Variants in RCAN1 observed in about 807,000 individuals in gnomAD.
The protein encoded by RCAN1 is regulator of calcineurin 1.
In RCAN1, 11 loss-of-function variants were observed where a neutral mutation model predicts 22.9. The observed-to-expected ratio is 0.48, with a 90% CI of 0.30 to 0.79. The LOEUF (loss-of-function observed/expected upper bound fraction) is 0.79, where lower values mean the gene tolerates loss of function less well. RCAN1 is among the 30% of genes least tolerant of loss of function. The pLI is 0.06. For synonymous variants in RCAN1, 136 were observed against 142.3 expected, an observed-to-expected ratio of 0.96 and a Z score of 0.32; for missense variants, 291 against 337.8, an observed-to-expected ratio of 0.86 and a Z score of 1.09.
chr21:34,599,662 A>C (rs1988270329), intron 1 of RCAN1, among the ~76,000 whole-genome samples: 1 of 152,198 alleles, frequency 6.6e-6, no homozygotes, highest in Admixed American at 6.5e-5. Context: ...ACATACACTC[A>C]ACAGAGGCTA....
At chr21:34,524,255 G>A (rs1984835728) in intron 1 of RCAN1, 1 of 152,788 alleles carries the variant, frequency 6.5e-6, no homozygotes, top group African/African-American at 2.4e-5. Context: ...CAGCAGAACA[G>A]TTGCCAATAC....
intron 2 of RCAN1, chr21:34,523,244 C>T: frequency 3.0e-6 from 1 of 331,654 alleles, no homozygotes. Context: ...TTTGCATAGC[C>T]ACGCCTACCC....
At chr21:34,553,348 T>TATA (rs753288427) in intron 1 of RCAN1, among the ~76,000 whole-genome samples, 1 of 152,034 alleles carries the variant, frequency 6.6e-6, no homozygotes, top group Non-Finnish European at 1.5e-5. Flanking sequence ...TTTCAAAAAT[T>TATA]ATAATAATAA....
intron 1 of RCAN1, among the ~76,000 whole-genome samples, chr21:34,536,699 CA>C (rs751855663): frequency 6.6e-6 from 1 of 152,070 alleles, no homozygotes; most frequent in Non-Finnish European, 1.5e-5. Context: ...GGCTGAATGT[CA>C]GCGGAGGAGT....
At chr21:34,545,568 C>G (rs1229790147) in intron 1 of RCAN1, among the ~76,000 whole-genome samples, 2 of 152,180 alleles carry the variant, frequency 1.3e-5, no homozygotes, top group Admixed American at 6.5e-5. Context: ...CCAGGCCAGG[C>G]ACAAAGATCC....
intron 1 of RCAN1, among the ~76,000 whole-genome samples, chr21:34,601,545 A>G (rs939311327): frequency 2.8e-4 from 42 of 152,278 alleles, no homozygotes; most frequent in South Asian, 4.1e-4. Flanking sequence ...TAGGCTGGGC[A>G]CGGTGGCTCA....
intron 1 of RCAN1, among the ~76,000 whole-genome samples, chr21:34,545,180 C>T (rs1986086262): frequency 6.6e-6 from 1 of 152,168 alleles, no homozygotes; most frequent in African/African-American, 2.4e-5. Context: ...AGGCTCAGTG[C>T]CCCCGCCCCT....
rs537041248 is a variant in RCAN1, at chr21:34,554,496, A to C, written c.253-30786T>G. ...AATTGCAGAAGCTGGGCCAGACTGA[A>C]CACACCTGAAGCCAGGGATGGTGCT... is the stretch of plus-strand genomic sequence containing the variant. On this transcript the variant is annotated intron_variant, in intron 1 of 3. Coordinates refer to ENST00000313806, the MANE Select transcript of RCAN1 (RefSeq NM_004414.7). 5.9e-5 allele frequency among the ~76,000 whole-genome samples: 9 copies of C among 152,298 alleles called. No homozygotes were observed. The South Asian group carries it at 1.9e-3, about 32-fold the overall frequency.
At chr21:34,521,776 TG>T in intron 2 of RCAN1, 118 bp from the exon 3 acceptor site, 1 of 814,830 alleles carries the variant, frequency 1.2e-6, no homozygotes. Context: ...TCAGGACAGG[TG>T]TGATTCCAGG....
chr21:34,574,346 G>A (rs1013416536), intron 1 of RCAN1, among the ~76,000 whole-genome samples: 14 of 152,178 alleles, frequency 9.2e-5, no homozygotes, highest in Admixed American at 3.3e-4. Flanking sequence ...GAGATACTAC[G>A]TATATTTTCA....
rs1353558302 is a variant in RCAN1, at chr21:34,571,388, A to G, written c.252+43372T>C. 6.6e-5 allele frequency among the ~76,000 whole-genome samples: 10 copies of G among 152,370 alleles called. No individual in the cohort carries two copies. In the East Asian group the frequency reaches 1.9e-3, roughly 29 times the overall value. Reference sequence around the variant, plus strand: ...GACATACTTGCAAAATTATCCTGAAAAAAAGTTACCACTTAAAATCAATTA... The same window carrying G: ...GACATACTTGCAAAATTATCCTGAAGAAAAGTTACCACTTAAAATCAATTA... On this transcript the variant is annotated intron_variant, in intron 1 of 3. Coordinates refer to ENST00000313806, the MANE Select transcript of RCAN1 (RefSeq NM_004414.7).
chr21:34,587,369 A>C (rs1434285259), intron 1 of RCAN1, among the ~76,000 whole-genome samples: 2 of 152,172 alleles, frequency 1.3e-5, no homozygotes, highest in African/African-American at 4.8e-5. Flanking sequence ...CTTAAGAAAT[A>C]ATATGAATCC....
At chr21:34,572,197 A>T (rs911645526) in intron 1 of RCAN1, among the ~76,000 whole-genome samples, 2 of 152,224 alleles carry the variant, frequency 1.3e-5, no homozygotes, top group Non-Finnish European at 1.5e-5. Flanking sequence ...AAAGTCCTCG[A>T]ATTAAAAATT....
intron 2 of RCAN1, 88 bp from the exon 3 acceptor site, chr21:34,521,746 G>A: frequency 8.8e-7 from 1 of 1,142,442 alleles, no homozygotes; most frequent in Admixed American, 2.4e-5. Context: ...CCGGGAGATG[G>A]GCAGGTCAAT....
At chr21:34,552,153 G>A (rs1254887205) in intron 1 of RCAN1, among the ~76,000 whole-genome samples, 10 of 152,220 alleles carry the variant, frequency 6.6e-5, no homozygotes, top group South Asian at 4.1e-4. Flanking sequence ...CATTACTAGC[G>A]TTAGAGGCAC....
At chr21:34,551,199 C>T (rs1465451662) in intron 1 of RCAN1, among the ~76,000 whole-genome samples, 9 of 152,256 alleles carry the variant, frequency 5.9e-5, no homozygotes, top group African/African-American at 1.7e-4. Context: ...TGGGTGCATA[C>T]CAATAGTAAC....
intron 1 of RCAN1, among the ~76,000 whole-genome samples, chr21:34,549,222 G>C (rs1986266381): frequency 6.6e-6 from 1 of 152,166 alleles, no homozygotes; most frequent in Non-Finnish European, 1.5e-5. Flanking sequence ...TGCTCTCAGT[G>C]GCCCTCGAAG....
At chr21:34,523,167 T>G (rs1419852849) in intron 2 of RCAN1, 1 of 215,714 alleles carries the variant, frequency 4.6e-6, no homozygotes, top group Admixed American at 5.3e-5. Flanking sequence ...CTGCTCAGTC[T>G]AGAGTGGGTC....
At chr21:34,534,711 G>T (rs1985584898) in intron 1 of RCAN1, among the ~76,000 whole-genome samples, 1 of 152,220 alleles carries the variant, frequency 6.6e-6, no homozygotes, top group Admixed American at 6.5e-5. Context: ...GCCATTCATT[G>T]TGGTCACAGG....
Sources: allele counts gnomAD v4.1 joint callset (sites outside exome capture counted in the v4.1 genomes callset), GRCh38; gene constraint gnomAD v4.1.1; transcripts MANE v1.5; gene names NCBI Gene and HGNC (gene_info 2026-07-23, HGNC 2026-07-21).